The following LEF1 variants were observed in gnomAD, a reference collection of about 807,000 sequenced individuals.
The protein encoded by LEF1 is lymphoid enhancer-binding factor 1.
In LEF1, 14 loss-of-function variants were observed where a neutral mutation model predicts 51.2. That is an observed-to-expected ratio of 0.27 (90% confidence interval 0.18 to 0.43). The LOEUF is 0.43. Ranked by LOEUF, LEF1 falls within the 20% of genes least tolerant of loss-of-function variation. LEF1 has a pLI of 1.00. For synonymous variants in LEF1, 185 were observed against 183.2 expected, an observed-to-expected ratio of 1.01 and a Z score of -0.08; for missense variants, 386 against 512.0, an observed-to-expected ratio of 0.75 and a Z score of 2.37.
intron 3 of LEF1, among the ~76,000 whole-genome samples, chr4:108,148,416 T>C (rs888816117): frequency 2.6e-5 from 4 of 152,138 alleles, no homozygotes; most frequent in African/African-American, 7.2e-5. Flanking sequence ...AAAGAATGAA[T>C]AGTACATATA....
intron 3 of LEF1, among the ~76,000 whole-genome samples, chr4:108,115,113 A>G (rs563817888): frequency 6.6e-6 from 1 of 152,370 alleles, no homozygotes; most frequent in East Asian, 1.9e-4. Flanking sequence ...ATCTATGTCC[A>G]CATATAATTC....
chr4:108,131,671 T>G (rs1742906500), intron 3 of LEF1, among the ~76,000 whole-genome samples: 2 of 152,204 alleles, frequency 1.3e-5, no homozygotes, highest in South Asian at 4.1e-4. Flanking sequence ...GGCACAATTA[T>G]GGCTTCTATG....
chr4:108,140,990 C>T (rs963970538), intron 3 of LEF1, among the ~76,000 whole-genome samples: 2 of 152,194 alleles, frequency 1.3e-5, no homozygotes, highest in East Asian at 3.9e-4. Context: ...TTTACAGACT[C>T]AAAATAAAAA....
intron 3 of LEF1, among the ~76,000 whole-genome samples, chr4:108,097,040 C>T (rs1388848449): frequency 3.3e-5 from 5 of 152,136 alleles, no homozygotes; most frequent in Non-Finnish European, 7.3e-5. Context: ...GGAGTTGCCT[C>T]AAAATCTAAA....
chr4:108,076,412 A>C (rs1474648129), intron 8 of LEF1, among the ~76,000 whole-genome samples: 1 of 152,184 alleles, frequency 6.6e-6, no homozygotes, highest in African/African-American at 2.4e-5. Context: ...TCTGTTGCCC[A>C]GGCTAGAGAG....
In LEF1 at chr4:108,143,761, C is replaced by G. The variant is rs543103406; in HGVS notation, c.414+19807G>C. On this transcript the variant is annotated intron_variant, in intron 3 of 11. Coordinates refer to ENST00000265165, the MANE Select transcript of LEF1 (RefSeq NM_016269.5). Reference sequence around the variant, plus strand: ...AACACAGCACCACTTGCTCAGCCACCAACCTTGAGAGAGGCACTCCAGTGG... The same window carrying G: ...AACACAGCACCACTTGCTCAGCCACGAACCTTGAGAGAGGCACTCCAGTGG... 5.3e-5 allele frequency among the ~76,000 whole-genome samples: 8 copies of G among 152,250 alleles called. No homozygotes were observed. The South Asian group carries it at 1.7e-3, about 32-fold the overall frequency.
chr4:108,079,604 G>A lies in LEF1; in HGVS notation c.733C>T (p.His245Tyr), dbSNP rs1285614324. 1.2e-6 allele frequency: 2 copies of A among 1,614,100 alleles called. No homozygotes were observed. The highest frequency in any genetic ancestry group is 1.7e-6 in the Non-Finnish European group (2 of 1,179,994). Residue 245 changes from histidine to tyrosine, a missense_variant, in exon 7 of 12, where the codon CAT becomes TAT. By Grantham distance (83) the His-to-Tyr change is moderately conservative. This residue lies in a region of LEF1 where 335 missense variants were observed against 390.7 expected (regional missense o/e 0.86). Coordinates refer to ENST00000265165, the MANE Select transcript of LEF1 (RefSeq NM_016269.5). ...GGACCAGGAGGACCGGGAATCATAT[G>A]ATGGGAAAACCTGAAAGGAGGAAAG... The part of the protein sequence containing the change: ...VDTSMSRFSH[H>Y]MIPGPPGPHT...
chr4:108,116,854 G>A lies in LEF1; in HGVS notation c.415-27597C>T, dbSNP rs1741874442. On this transcript the variant is annotated intron_variant, in intron 3 of 11. Coordinates refer to ENST00000265165, the MANE Select transcript of LEF1 (RefSeq NM_016269.5). ...GCAAGTTGTGGAGAGGATTCAATAAGTTAGTATTAGAGTGCCAAGAACAGT... is the reference window on the plus strand; with the variant it reads ...GCAAGTTGTGGAGAGGATTCAATAAATTAGTATTAGAGTGCCAAGAACAGT... 5.3e-5 allele frequency among the ~76,000 whole-genome samples: 8 copies of A among 152,318 alleles called. No individual in the cohort carries two copies. The South Asian group carries it at 1.2e-3, about 24-fold the overall frequency.
intron 3 of LEF1, among the ~76,000 whole-genome samples, chr4:108,106,947 GA>G (rs1439565839): frequency 6.6e-6 from 1 of 152,202 alleles, no homozygotes; most frequent in Non-Finnish European, 1.5e-5. Context: ...GGTAGTGACA[GA>G]AGAATGAGAA....
At position 108,048,691 on chromosome 4, in the gene LEF1, A is replaced by C. The variant is rs1420313874; in HGVS notation, c.*67T>G. 1 of 1,608,240 alleles carries C rather than the reference A, an allele frequency of 6.2e-7. No homozygotes were observed. Among genetic ancestry groups the C allele is most frequent in the Non-Finnish European group, 8.5e-7 (1 of 1,177,014 alleles). On this transcript the variant is annotated 3_prime_UTR_variant, in exon 12 of 12. Transcript: ENST00000265165. ...GGGTTTTCAACAAGCTTCCATCTCC[A>C]GAAGAGGTCCTGGGGTCGCTGCCTT... is the stretch of plus-strand genomic sequence containing the variant.
At chr4:108,086,829 T>C (rs7378042) in intron 4 of LEF1, among the ~76,000 whole-genome samples, 23 of 149,410 alleles carry the variant, frequency 1.5e-4, no homozygotes, top group South Asian at 8.5e-4. Flanking sequence ...CACACACACT[T>C]ACACACACAC....
chr4:108,095,475 C>A (rs1002239971), intron 3 of LEF1, among the ~76,000 whole-genome samples: 2 of 152,148 alleles, frequency 1.3e-5, no homozygotes, highest in African/African-American at 4.8e-5. Context: ...GCTCTTCCTG[C>A]CCCACACTGT....
At chr4:108,136,576 A>T (rs2110362792) in intron 3 of LEF1, among the ~76,000 whole-genome samples, 1 of 152,024 alleles carries the variant, frequency 6.6e-6, no homozygotes, top group Non-Finnish European at 1.5e-5. Flanking sequence ...ATATGATCAA[A>T]TGCCAGAAGT....
In LEF1 at chr4:108,078,282, T is replaced by A. The variant is rs753687592; in HGVS notation, c.946A>T (p.Asn316Tyr). ...FMLYMKEMRA[N>Y]VVAECTLKES... is the part of the protein sequence containing the mutation. ...TTTAGAGTACACTCAGCAACGACAT[T>A]CGCTCTCATTTCTTTCATGTATAAC... is the stretch of plus-strand genomic sequence containing the variant. The change falls in exon 8 of 12, where the codon AAT (asparagine) becomes TAT (tyrosine). Residue 316 changes from asparagine (N) to tyrosine (Y), a missense_variant. Coordinates refer to ENST00000265165, the MANE Select transcript of LEF1 (RefSeq NM_016269.5). The A allele has an allele frequency of 4.3e-6, 7 of 1,614,206 alleles. No individual in the cohort carries two copies. Among genetic ancestry groups the A allele is most frequent in the Non-Finnish European group, 5.9e-6 (7 of 1,180,044 alleles).
chr4:108,166,288 G>C (rs1182350737), intron 1 of LEF1: 11 of 1,536,074 alleles, frequency 7.2e-6, no homozygotes, highest in African/African-American at 1.4e-5. Context: ...CATTGGGATA[G>C]AGAAGGCAGA....
At chr4:108,113,308 ATG>A (rs1356239879) in intron 3 of LEF1, among the ~76,000 whole-genome samples, 1 of 152,214 alleles carries the variant, frequency 6.6e-6, no homozygotes, top group East Asian at 1.9e-4. Context: ...TGCCAGGGGC[ATG>A]TGTCAGGGAG....
At chr4:108,159,452 G>A (rs2110414321) in intron 3 of LEF1, among the ~76,000 whole-genome samples, 1 of 152,304 alleles carries the variant, frequency 6.6e-6, no homozygotes, top group African/African-American at 2.4e-5. Flanking sequence ...AAATTCAATA[G>A]CTTCTTGCAA....
Position 108,079,500 on chromosome 4 carries a change from T to G in LEF1, c.837A>C (p.Leu279=), listed in dbSNP as rs539970228. ...CCCGGGTGGATACTTACACGTGCAT[T>G]AGGTCACTGTCAGTGTGGGGATGTT... is the stretch of plus-strand genomic sequence containing the variant. ...KQEHPHTDSD[L]MHVKPQHEQR... is the part of the protein sequence containing the mutation. Residue 279 remains leucine, a synonymous_variant, in exon 7 of 12, where the codon CTA becomes CTC. Coordinates refer to ENST00000265165, the MANE Select transcript of LEF1 (RefSeq NM_016269.5). 64 of 1,614,106 alleles carry G rather than the reference T, an allele frequency of 4.0e-5. No homozygotes were observed. In the South Asian group the frequency reaches 6.5e-4, roughly 16 times the overall value.
At chr4:108,082,637 C>T (rs1403264953) in intron 5 of LEF1, among the ~76,000 whole-genome samples, 1 of 152,018 alleles carries the variant, frequency 6.6e-6, no homozygotes, top group African/African-American at 2.4e-5. Flanking sequence ...GTGGAGAGAG[C>T]ATGGGAGTGG....
Sources: gnomAD v4.1 joint callset for allele counts (sites outside exome capture counted in the v4.1 genomes callset) on GRCh38, gnomAD v4.1.1 for gene constraint, gnomAD v4.1.1 regional missense constraint, MANE v1.5 for transcripts, NCBI Gene and HGNC (gene_info 2026-07-23, HGNC 2026-07-21) for gene names.